Variants in MYSM1 observed in about 807,000 individuals in gnomAD.
The protein encoded by MYSM1 is Myb like, SWIRM and MPN domains 1.
Under a neutral mutation model 116.0 loss-of-function variants are expected in MYSM1, and 51 were observed. The observed-to-expected ratio is 0.44, with a 90% confidence interval of 0.35 to 0.56. MYSM1 has a LOEUF of 0.56. Ranked by LOEUF, MYSM1 falls within the 20% of genes least tolerant of loss-of-function variation. MYSM1 has a pLI of 0.00. For missense variants in MYSM1, 900 were observed against 974.9 expected, an observed-to-expected ratio of 0.92 and a Z score of 1.02; for synonymous variants, 313 against 315.2, an observed-to-expected ratio of 0.99 and a Z score of 0.07.
In MYSM1 at chr1:58,690,233, T is replaced by C. The variant is rs1644884824; in HGVS notation, c.313A>G (p.Lys105Glu). ...TAAAATATAAGTACATACATGATTT[T>C]TGCTGTTTTCTGCAGACTGCATCAC... ...KYMKSLQKTA[K>E]IMVHSPTKPA... Residue 105 changes from lysine to glutamate, a missense_variant, in exon 5 of 20, where the codon AAA (lysine) becomes GAA (glutamate). By Grantham distance (56) the Lys-to-Glu change is moderately conservative. Around this residue, in one of 3 missense-constraint regions of MYSM1, gnomAD observed 622 missense variants for 623.7 expected, o/e 1.00. Coordinates refer to ENST00000472487, the MANE Select transcript of MYSM1 (RefSeq NM_001085487.3). 1 of 1,566,236 alleles carries C rather than the reference T, an allele frequency of 6.4e-7. No individual in the cohort carries two copies. Among genetic ancestry groups the C allele is most frequent in the Non-Finnish European group, 8.6e-7 (1 of 1,159,074 alleles).
chr1:58,691,253 C>A (rs1644902318), intron 3 of MYSM1, among the ~76,000 whole-genome samples: 1 of 151,388 alleles, frequency 6.6e-6, no homozygotes, highest in African/African-American at 2.4e-5. Context: ...GCACTCCAGC[C>A]TGGGCGACAG....
intron 16 of MYSM1, among the ~76,000 whole-genome samples, chr1:58,666,405 TC>T (rs1160275565): frequency 1.3e-5 from 2 of 152,134 alleles, no homozygotes; most frequent in African/African-American, 4.8e-5. Context: ...TCCTAGTTGT[TC>T]CCATCAATTT....
chr1:58,679,891 GGTGGCACGCACCTGTA>G (rs1644712146), intron 8 of MYSM1, among the ~76,000 whole-genome samples: 1 of 152,126 alleles, frequency 6.6e-6, no homozygotes, highest in Non-Finnish European at 1.5e-5. Flanking sequence ...AGCCGGGCGT[GGTGGCACGCACCTGTA>G]GTCCCAGCTG....
rs142120847 is a variant in MYSM1, at chr1:58,656,288, T to C, written c.*3709A>G. 6.6e-6 allele frequency: 1 copy of C among 152,210 alleles called. No individual in the cohort carries two copies. Among genetic ancestry groups the C allele is most frequent in the Non-Finnish European group, 1.5e-5 (1 of 68,048 alleles). 9.4% of individuals were successfully genotyped at this position (152,210 alleles called of 1,614,324 possible). On this transcript the variant is annotated 3_prime_UTR_variant, in exon 20 of 20. Transcript: ENST00000472487. ...ACAGAAGACTGGGAGCAGCATTAAATAGCTTCATGGAAACATGCATGGTCT... is the reference window on the plus strand; with the variant it reads ...ACAGAAGACTGGGAGCAGCATTAAACAGCTTCATGGAAACATGCATGGTCT...
intron 9 of MYSM1, among the ~76,000 whole-genome samples, chr1:58,675,918 G>C (rs1644643480): frequency 6.6e-6 from 1 of 152,148 alleles, no homozygotes; most frequent in Non-Finnish European, 1.5e-5. Context: ...GGAAAACAAA[G>C]ACACTGAAAT....
intron 7 of MYSM1, 29 bp from the exon 8 acceptor site, chr1:58,682,574 T>A (rs1644762523): frequency 1.3e-6 from 2 of 1,524,116 alleles, no homozygotes; most frequent in African/African-American, 1.4e-5. Context: ...AAAATCCCCA[T>A]AATATTAAGA....
intron 8 of MYSM1, among the ~76,000 whole-genome samples, chr1:58,677,584 C>T (rs960709587): frequency 2.6e-5 from 4 of 151,918 alleles, no homozygotes; most frequent in African/African-American, 7.2e-5. Context: ...CAGAAACAGA[C>T]GTTATAAGGG....
rs1238174258 is a variant in MYSM1, at chr1:58,685,213, T to C, written c.438A>G (p.Leu146=). The part of the protein sequence containing the change: ...FGRRWTKISK[L]IGSRTVLQVK... ...CTTGTAAAACAGTGCGGCTTCCAAT[T>C]AGCTTTGAAATTTTGGTCCATCTTC... The change falls in exon 7 of 20, where the codon CTA becomes CTG. Residue 146 remains leucine, a synonymous_variant. Transcript: ENST00000472487. The C allele has an allele frequency of 5.6e-6, 9 of 1,608,342 alleles. No homozygotes were observed. Among genetic ancestry groups the C allele is most frequent in the Non-Finnish European group, 6.8e-6 (8 of 1,178,346 alleles).
chr1:58,691,187 G>A (rs1202388624), intron 3 of MYSM1, among the ~76,000 whole-genome samples: 1 of 143,106 alleles, frequency 7.0e-6, no homozygotes, highest in African/African-American at 2.5e-5. Flanking sequence ...GGCTGAGGCA[G>A]GAGAATGGAG....
chr1:58,671,379 T>C (rs1644558471), intron 12 of MYSM1, among the ~76,000 whole-genome samples: 1 of 152,152 alleles, frequency 6.6e-6, no homozygotes, highest in African/African-American at 2.4e-5. Context: ...ATATCTTCTT[T>C]TAAAAGGTAC....
At chr1:58,698,703 C>A (rs969637700) in intron 1 of MYSM1, among the ~76,000 whole-genome samples, 2 of 152,062 alleles carry the variant, frequency 1.3e-5, no homozygotes, top group African/African-American at 4.8e-5. Flanking sequence ...TAACTTGTTG[C>A]GAAAAGTAAA....
intron 6 of MYSM1, among the ~76,000 whole-genome samples, chr1:58,686,199 A>C (rs1474499730): frequency 6.6e-6 from 1 of 151,964 alleles, no homozygotes; most frequent in Non-Finnish European, 1.5e-5. Context: ...ACGTCATAAC[A>C]CTGAAGCTGT....
At chr1:58,669,133 C>T (rs1644517904) in intron 12 of MYSM1, 95 bp from the exon 13 acceptor site, 1 of 857,676 alleles carries the variant, frequency 1.2e-6, no homozygotes, top group Non-Finnish European at 1.8e-6. Context: ...TAATCTAAAC[C>T]CAAATTCTGT....
intron 8 of MYSM1, 147 bp downstream of exon 8, chr1:58,681,638 T>C: frequency 2.4e-6 from 2 of 836,762 alleles, no homozygotes; most frequent in Non-Finnish European, 3.5e-6. Flanking sequence ...TTACCAAAGC[T>C]TTTTTTCATT....
intron 15 of MYSM1, among the ~76,000 whole-genome samples, 173 bp downstream of exon 15, chr1:58,667,674 C>T (rs1008836206): frequency 6.6e-6 from 1 of 151,712 alleles, no homozygotes; most frequent in Non-Finnish European, 1.5e-5. Flanking sequence ...AGGCGCTAGG[C>T]ATATAGAATG....
intron 8 of MYSM1, among the ~76,000 whole-genome samples, chr1:58,680,230 T>C (rs1245987321): frequency 6.6e-6 from 1 of 152,166 alleles, no homozygotes; most frequent in Non-Finnish European, 1.5e-5. Context: ...AAAAGAGTGA[T>C]TTACAGACAC....
At chr1:58,664,548 A>G (rs1433718604) in intron 17 of MYSM1, among the ~76,000 whole-genome samples, 1 of 152,254 alleles carries the variant, frequency 6.6e-6, no homozygotes, top group East Asian at 1.9e-4. Flanking sequence ...AAAGTGTTGC[A>G]GATACATAAA....
intron 2 of MYSM1, among the ~76,000 whole-genome samples, chr1:58,693,899 C>T (rs893785515): frequency 6.6e-6 from 1 of 152,228 alleles, no homozygotes; most frequent in South Asian, 2.1e-4. Context: ...TAATCCGACT[C>T]ATAAGTCCTG....
intron 17 of MYSM1, among the ~76,000 whole-genome samples, chr1:58,664,450 A>G (rs929142789): frequency 3.3e-5 from 5 of 152,082 alleles, no homozygotes; most frequent in African/African-American, 1.2e-4. Flanking sequence ...AATAAGACAC[A>G]GTCCCTGCTC....
Sources: gnomAD v4.1 joint callset for allele counts (sites outside exome capture counted in the v4.1 genomes callset) on GRCh38, gnomAD v4.1.1 for gene constraint, gnomAD v4.1.1 regional missense constraint, MANE v1.5 for transcripts, NCBI Gene and HGNC (gene_info 2026-07-23, HGNC 2026-07-21) for gene names.